Variants in STT3B observed in about 807,000 individuals in gnomAD.
STT3B encodes the protein dolichyl-diphosphooligosaccharide--protein glycosyltransferase subunit STT3B.
STT3B carries 29 observed loss-of-function variants against 96.8 expected under a neutral mutation model. The ratio of observed to expected loss-of-function variants is 0.30; its 90% CI spans 0.22 to 0.41. The LOEUF (loss-of-function observed/expected upper bound fraction) is 0.41, where lower values mean the gene tolerates loss of function less well. Ranked by LOEUF, STT3B falls within the 10% of genes least tolerant of loss-of-function variation. The probability of loss-of-function intolerance (pLI) is 1.00; values close to 1 mark genes in which losing one functional copy is unlikely to be tolerated. For missense variants in STT3B, 640 were observed against 1,022.3 expected, an observed-to-expected ratio of 0.63 and a Z score of 5.10; for synonymous variants, 367 against 360.0, an observed-to-expected ratio of 1.02 and a Z score of -0.22.
rs574840402 is a variant in STT3B, at chr3:31,551,584, G to A, written c.314+18272G>A. On this transcript the variant is annotated intron_variant, in intron 1 of 15. Coordinates refer to ENST00000295770, the MANE Select transcript of STT3B (RefSeq NM_178862.3). ...GTCATTTCTGTTGGTGGTACTAGTC[G>A]CTTTCTCATTTACCGTTCCCACGAA... Among the ~76,000 whole-genome samples, 48 of 152,226 alleles carry A rather than the reference G, an allele frequency of 3.2e-4. No individual in the cohort carries two copies. In the South Asian group the frequency reaches 5.2e-3, roughly 16 times the overall value.
At chr3:31,601,800 AG>A in intron 5 of STT3B, among the ~76,000 whole-genome samples, 2 of 152,354 alleles carry the variant, frequency 1.3e-5, no homozygotes, top group Non-Finnish European at 2.9e-5. Flanking sequence ...AAAAAAGCAT[AG>A]TATATTACAT....
At chr3:31,606,364 G>A (rs1201988220) in intron 5 of STT3B, among the ~76,000 whole-genome samples, 1 of 152,188 alleles carries the variant, frequency 6.6e-6, no homozygotes, top group Non-Finnish European at 1.5e-5. Context: ...TCCCATCATA[G>A]GTCCAGAGGC....
At chr3:31,586,933 A>T (rs1359434824) in intron 3 of STT3B, among the ~76,000 whole-genome samples, 1 of 152,102 alleles carries the variant, frequency 6.6e-6, no homozygotes, top group Non-Finnish European at 1.5e-5. Flanking sequence ...TTGGAAGTGC[A>T]TTGAATGTAT....
rs1387222318 is a variant in STT3B at position 31,617,026 on chromosome 3, A to G, written c.1074A>G (p.Ser358=). Residue 358 remains serine (S), a synonymous_variant, in exon 7 of 16, where the codon TCA becomes TCG. Coordinates refer to ENST00000295770, the MANE Select transcript of STT3B (RefSeq NM_178862.3). ...EFQTLFFLGV[S]LAAGAVFLSV... ...AGACCCTTTTCTTTTTGGGTGTATC[A>G]CTAGCTGCAGGTGCTGTGTTCCTTA... is the stretch of plus-strand genomic sequence containing the variant. The G allele has an allele frequency of 1.2e-6, 2 of 1,611,872 alleles. No homozygotes were observed. The highest frequency in any genetic ancestry group is 1.7e-6 in the Non-Finnish European group (2 of 1,178,336).
At chr3:31,548,305 A>G (rs977481994) in intron 1 of STT3B, among the ~76,000 whole-genome samples, 3 of 152,130 alleles carry the variant, frequency 2.0e-5, no homozygotes, top group African/African-American at 7.2e-5. Flanking sequence ...GAGCATAGTA[A>G]CACAGGGAAA....
chr3:31,533,504 C>A (rs912720776), intron 1 of STT3B, 192 bp downstream of exon 1: 10 of 641,014 alleles, frequency 1.6e-5, no homozygotes, highest in Non-Finnish European at 2.0e-5. Context: ...CCCCGTGCAG[C>A]CTGAGGCGGG....
In STT3B at chr3:31,636,301, A is replaced by ATT; in HGVS notation, c.*246_*247dup. ...CACTGCTGTAAATGTCTAGCAGCAGATTTTTTTTTTATTGGTACATATTAT... is the reference window on the plus strand; with the variant it reads ...CACTGCTGTAAATGTCTAGCAGCAGATTTTTTTTTTTTATTGGTACATATTAT... On this transcript the variant is annotated 3_prime_UTR_variant, in exon 16 of 16. Transcript: ENST00000295770. 3.5e-5 allele frequency: 11 copies of ATT among 317,884 alleles called. No homozygotes were observed. Among genetic ancestry groups the ATT allele is most frequent in the East Asian group, 1.0e-4 (2 of 20,094 alleles). The allele number at this position is 317,884 out of a possible 1,614,324, so 19.7% of individuals were successfully genotyped here.
At chr3:31,602,383 GTAAA>G (rs939823943) in intron 5 of STT3B, among the ~76,000 whole-genome samples, 19 of 151,924 alleles carry the variant, frequency 1.3e-4, no homozygotes, top group African/African-American at 4.6e-4. Flanking sequence ...GTTGTTTTGT[GTAAA>G]TTTAAAAATT....
At chr3:31,610,823 A>G (rs974326042) in intron 5 of STT3B, among the ~76,000 whole-genome samples, 10 of 152,170 alleles carry the variant, frequency 6.6e-5, no homozygotes, top group African/African-American at 2.2e-4. Context: ...TTCTAATGGT[A>G]ATTTTTTGTG....
intron 13 of STT3B, among the ~76,000 whole-genome samples, chr3:31,629,057 A>G (rs773553051): frequency 1.6e-4 from 24 of 152,172 alleles, no homozygotes; most frequent in Non-Finnish European, 2.6e-4. Flanking sequence ...AGTGAGCCAC[A>G]GTCACGCCAC....
At chr3:31,538,199 C>G (rs1020511723) in intron 1 of STT3B, among the ~76,000 whole-genome samples, 1 of 152,172 alleles carries the variant, frequency 6.6e-6, no homozygotes, top group Non-Finnish European at 1.5e-5. Context: ...TTAAATCCTG[C>G]TTGTAGACAG....
At chr3:31,586,349 C>T (rs147723633) in intron 3 of STT3B, among the ~76,000 whole-genome samples, 28 of 151,922 alleles carry the variant, frequency 1.8e-4, no homozygotes, top group African/African-American at 6.0e-4. Context: ...CAGATGTGTG[C>T]TCTACAAACA....
intron 13 of STT3B, among the ~76,000 whole-genome samples, chr3:31,627,167 A>T (rs558638010): frequency 6.6e-6 from 1 of 152,254 alleles, no homozygotes; most frequent in Non-Finnish European, 1.5e-5. Flanking sequence ...GCCTGTTAGG[A>T]ACCAGGCCAC....
At position 31,618,005 on chromosome 3, in the gene STT3B, T is replaced by A; in HGVS notation, c.1172+17T>A. On this transcript the variant is annotated intron_variant, in intron 8 of 15. Transcript: ENST00000295770. ...GGATACTGGGTAAGTACAGTTACAT[T>A]ATTTGGCATCATATTTATTGAAATA... 2 of 1,536,284 alleles carry A rather than the reference T, an allele frequency of 1.3e-6. No individual in the cohort carries two copies. The highest frequency in any genetic ancestry group is 1.8e-6 in the Non-Finnish European group (2 of 1,110,384).
intron 5 of STT3B, among the ~76,000 whole-genome samples, chr3:31,602,506 A>G (rs574217619): frequency 3.0e-4 from 45 of 152,252 alleles, no homozygotes; most frequent in African/African-American, 1.1e-3. Context: ...AGATGTCAGA[A>G]GTAGTCAAAT....
In STT3B at chr3:31,557,805, C is replaced by T. The variant is rs562749052; in HGVS notation, c.315-18591C>T. 1.2e-3 allele frequency among the ~76,000 whole-genome samples: 189 copies of T among 152,032 alleles called. 2 individuals carry two copies. Among genetic ancestry groups the T allele is most frequent in the Middle Eastern group, 6.8e-3 (2 of 294 alleles). On this transcript the variant is annotated intron_variant, in intron 1 of 15. Transcript: ENST00000295770. Reference sequence around the variant, plus strand: ...CCGCCACCATGCCTGGCTAATTTTTCACATTTTTAGTAGAGACAGGGTTTC... The same window carrying T: ...CCGCCACCATGCCTGGCTAATTTTTTACATTTTTAGTAGAGACAGGGTTTC...
intron 3 of STT3B, among the ~76,000 whole-genome samples, chr3:31,587,988 T>G (rs1698581299): frequency 6.6e-6 from 1 of 152,176 alleles, no homozygotes; most frequent in African/African-American, 2.4e-5. Context: ...TAACACTTGC[T>G]TATTTGCCTT....
rs111283137 is a variant in STT3B, at chr3:31,614,027, A to G, written c.878-1078A>G. Among the ~76,000 whole-genome samples, 399 of 152,042 alleles carry G rather than the reference A, an allele frequency of 2.6e-3. 2 individuals are homozygous for G. Among genetic ancestry groups the G allele is most frequent in the African/African-American group, 9.4e-3 (391 of 41,532 alleles). On this transcript the variant is annotated intron_variant, in intron 5 of 15. Coordinates refer to ENST00000295770, the MANE Select transcript of STT3B (RefSeq NM_178862.3). ...CTCTTATCATATAGATTGTGAGGCA[A>G]CTTAATATTTGAACCAGTAGCCCCT...
rs771309912 is a variant in STT3B, at chr3:31,623,739, A to G, written c.1605A>G (p.Ile535Met). Residue 535 changes from isoleucine to methionine, a missense_variant, in exon 11 of 16, where the codon ATA (isoleucine) becomes ATG (methionine). This residue lies in a region of STT3B where 149 missense variants were observed against 250.2 expected (regional missense o/e 0.60). Coordinates refer to ENST00000295770, the MANE Select transcript of STT3B (RefSeq NM_178862.3). Reference sequence around the variant, plus strand: ...CTGAAGAGGGATTAGGCCCTAATATAAAAAGCATTGTCACCATGTTGATGC... The same window carrying G: ...CTGAAGAGGGATTAGGCCCTAATATGAAAAGCATTGTCACCATGTTGATGC... ...EKTEEGLGPN[I>M]KSIVTMLMLM... 6.2e-7 allele frequency: 1 copy of G among 1,614,000 alleles called. No homozygotes were observed. The highest frequency in any genetic ancestry group is 8.5e-7 in the Non-Finnish European group (1 of 1,179,906).
Sources: allele counts gnomAD v4.1 joint callset (sites outside exome capture counted in the v4.1 genomes callset), GRCh38; gene constraint gnomAD v4.1.1; regional missense constraint gnomAD v4.1.1; transcripts MANE v1.5; gene names NCBI Gene and HGNC (gene_info 2026-07-23, HGNC 2026-07-21).